ITFG1: variants seen among roughly 807,000 people sequenced by gnomAD.
The protein encoded by ITFG1 is T-cell immunomodulatory protein.
In ITFG1, 34 loss-of-function variants were observed where a neutral mutation model predicts 81.8. That is an observed-to-expected ratio of 0.42 (90% CI 0.32 to 0.55). ITFG1 has a LOEUF of 0.55. Ranked by LOEUF, ITFG1 falls within the 20% of genes least tolerant of loss-of-function variation. ITFG1 has a pLI of 0.17. For synonymous variants in ITFG1, 285 were observed against 270.6 expected (o/e 1.05, Z -0.52); for missense variants, 672 against 755.4 (o/e 0.89, Z 1.29).
At chr16:47,407,610 G>C (rs577287136) in intron 6 of ITFG1, among the ~76,000 whole-genome samples, 5 of 152,326 alleles carry the variant, frequency 3.3e-5, no homozygotes, top group African/African-American at 1.2e-4. Context: ...GCCTCCGAAC[G>C]TGTTGGGATT....
At chr16:47,310,485 A>G (rs1371567532) in intron 10 of ITFG1, among the ~76,000 whole-genome samples, 8 of 152,238 alleles carry the variant, frequency 5.3e-5, no homozygotes, top group Non-Finnish European at 1.0e-4. Flanking sequence ...GAATACTCAT[A>G]TTTATGGCAT....
chr16:47,221,253 G>A (rs149222421), intron 13 of ITFG1, among the ~76,000 whole-genome samples: 40 of 152,176 alleles, frequency 2.6e-4, no homozygotes, highest in Non-Finnish European at 4.4e-4. Context: ...TTGAAAATAC[G>A]TCCCATCAAT....
intron 6 of ITFG1, among the ~76,000 whole-genome samples, chr16:47,414,010 G>A (rs1306318087): frequency 3.3e-5 from 5 of 151,504 alleles, no homozygotes; most frequent in African/African-American, 4.8e-5. Context: ...TAGTAGAGTC[G>A]GGGTTTCACC....
chr16:47,379,587 C>T (rs184963281), intron 6 of ITFG1, among the ~76,000 whole-genome samples: 22 of 151,528 alleles, frequency 1.5e-4, no homozygotes. Context: ...ACTCAGGAGG[C>T]TGATGCAGAA....
At chr16:47,329,362 G>C (rs1239052282) in intron 8 of ITFG1, among the ~76,000 whole-genome samples, 1 of 152,098 alleles carries the variant, frequency 6.6e-6, no homozygotes, top group African/African-American at 2.4e-5. Flanking sequence ...GAGAAGGCTA[G>C]ATTCCATGTA....
chr16:47,309,362 G>T (rs368139141), intron 10 of ITFG1, among the ~76,000 whole-genome samples: 1 of 152,030 alleles, frequency 6.6e-6, no homozygotes, highest in East Asian at 1.9e-4. Context: ...GAGCCACCAC[G>T]CCTGGCCTAT....
intron 8 of ITFG1, among the ~76,000 whole-genome samples, chr16:47,347,821 G>A (rs1967881328): frequency 1.3e-5 from 2 of 152,182 alleles, no homozygotes. Flanking sequence ...CACCTCACAT[G>A]GCCGGGTACC....
At chr16:47,211,346 C>A (rs929174985) in intron 14 of ITFG1, among the ~76,000 whole-genome samples, 2 of 152,192 alleles carry the variant, frequency 1.3e-5, no homozygotes, top group African/African-American at 4.8e-5. Flanking sequence ...TACAGACATA[C>A]AACTGATTTT....
At chr16:47,320,194 A>G (rs950456544) in intron 8 of ITFG1, among the ~76,000 whole-genome samples, 9 of 152,212 alleles carry the variant, frequency 5.9e-5, no homozygotes, top group African/African-American at 2.2e-4. Context: ...AGTGAAAATG[A>G]TATCTCACTG....
chr16:47,336,350 T>G (rs2151575682), intron 8 of ITFG1, among the ~76,000 whole-genome samples: 1 of 152,264 alleles, frequency 6.6e-6, no homozygotes, highest in Non-Finnish European at 1.5e-5. Context: ...TTGACAGCAT[T>G]TTTCCTTGCC....
At chr16:47,199,521 T>C (rs1185788975) in intron 14 of ITFG1, among the ~76,000 whole-genome samples, 1 of 152,178 alleles carries the variant, frequency 6.6e-6, no homozygotes, top group Non-Finnish European at 1.5e-5. Flanking sequence ...CACAAATACT[T>C]ACCACTGTGT....
intron 12 of ITFG1, among the ~76,000 whole-genome samples, chr16:47,245,172 C>A (rs1030211921): frequency 6.6e-6 from 1 of 151,998 alleles, no homozygotes; most frequent in Non-Finnish European, 1.5e-5. Context: ...CATGGTGAAA[C>A]CCCGTCTCTA....
At chr16:47,368,585 A>AAAAAAC (rs1968209674) in intron 7 of ITFG1, among the ~76,000 whole-genome samples, 1 of 134,934 alleles carries the variant, frequency 7.4e-6, no homozygotes, top group African/African-American at 2.7e-5. Context: ...AAAAAAAAAA[A>AAAAAAC]GATCACAGCA....
Position 47,358,336 on chromosome 16 carries a change from T to C in ITFG1, c.802+7452A>G, listed in dbSNP as rs1446465044. ...ATACATGGAAACAGAATTGGCACTA[T>C]GAAAAAACAAAAGGATATTAAGAAG... On this transcript the variant is annotated intron_variant, in intron 8 of 17. Transcript: ENST00000320640. Among the ~76,000 whole-genome samples the C allele has an allele frequency of 3.9e-5, 6 of 152,154 alleles. No individual in the cohort carries two copies. The East Asian group carries it at 9.6e-4, about 24-fold the overall frequency.
intron 5 of ITFG1, among the ~76,000 whole-genome samples, chr16:47,439,485 T>C (rs1001808573): frequency 1.3e-5 from 2 of 152,192 alleles, no homozygotes; most frequent in Non-Finnish European, 2.9e-5. Flanking sequence ...ACAGCTGATC[T>C]CTCGGCAGAA....
At chr16:47,279,850 T>A (rs879366298) in intron 10 of ITFG1, among the ~76,000 whole-genome samples, 3 of 152,338 alleles carry the variant, frequency 2.0e-5, no homozygotes, top group Non-Finnish European at 2.9e-5. Flanking sequence ...GTTTCATTTA[T>A]ACTTAAGTAT....
At chr16:47,429,823 T>C (rs1288376115) in intron 5 of ITFG1, among the ~76,000 whole-genome samples, 1 of 152,164 alleles carries the variant, frequency 6.6e-6, no homozygotes, top group Non-Finnish European at 1.5e-5. Flanking sequence ...CATCCATTCA[T>C]CCATCCATCC....
intron 8 of ITFG1, among the ~76,000 whole-genome samples, chr16:47,354,151 C>G (rs752562878): frequency 5.9e-5 from 9 of 152,016 alleles, no homozygotes; most frequent in Non-Finnish European, 1.2e-4. Flanking sequence ...TACTTTAAAA[C>G]ATACTACAAA....
chr16:47,392,822 T>C (rs957049047), intron 6 of ITFG1, among the ~76,000 whole-genome samples: 5 of 152,202 alleles, frequency 3.3e-5, no homozygotes, highest in African/African-American at 9.6e-5. Context: ...TATCTGACAC[T>C]GGTCTCACAA....
Sources: gnomAD v4.1 joint callset for allele counts (sites outside exome capture counted in the v4.1 genomes callset) on GRCh38, gnomAD v4.1.1 for gene constraint, MANE v1.5 for transcripts, NCBI Gene and HGNC (gene_info 2026-07-23, HGNC 2026-07-21) for gene names.